SORCS3: variants seen among roughly 807,000 people sequenced by gnomAD.
SORCS3 encodes the protein VPS10 domain-containing receptor SorCS3.
In SORCS3, 57 loss-of-function variants were observed where a neutral mutation model predicts 146.3. That is an observed-to-expected ratio of 0.39 (90% CI 0.31 to 0.49). The LOEUF (loss-of-function observed/expected upper bound fraction) is 0.49, where lower values mean the gene tolerates loss of function less well. SORCS3 is among the 20% of genes least tolerant of loss of function. The pLI, the probability that SORCS3 is intolerant of heterozygous loss-of-function variation, is 0.92. For synonymous variants in SORCS3, 653 were observed against 618.5 expected (o/e 1.06, Z -0.83); for missense variants, 1,341 against 1,575.5 (o/e 0.85, Z 2.52).
At chr10:105,067,076 C>T (rs1451276940) in intron 5 of SORCS3, among the ~76,000 whole-genome samples, 1 of 152,254 alleles carries the variant, frequency 6.6e-6, no homozygotes, top group Non-Finnish European at 1.5e-5. Context: ...TCTCTTGGTT[C>T]ACTATCTTCA....
chr10:105,242,580 A>ATATATT (rs1564793634), intron 20 of SORCS3, among the ~76,000 whole-genome samples: 5 of 11,736 alleles, frequency 4.3e-4, no homozygotes, highest in Admixed American at 1.0e-3. Context: ...TTATATATTT[A>ATATATT]TATATATTTA....
chr10:104,713,663 AT>A (rs1311911475), intron 1 of SORCS3, among the ~76,000 whole-genome samples: 6 of 151,962 alleles, frequency 3.9e-5, no homozygotes, highest in East Asian at 3.9e-4. Flanking sequence ...GCATTATATA[AT>A]TTTTTTTATA....
chr10:104,832,477 G>C (rs1369987541), intron 1 of SORCS3, among the ~76,000 whole-genome samples: 7 of 152,140 alleles, frequency 4.6e-5, no homozygotes, highest in African/African-American at 1.7e-4. Flanking sequence ...CAGCACTTTG[G>C]GAGGCCAAGG....
intron 3 of SORCS3, among the ~76,000 whole-genome samples, chr10:104,948,183 GT>G (rs781592855): frequency 6.6e-6 from 1 of 152,112 alleles, no homozygotes; most frequent in Non-Finnish European, 1.5e-5. Context: ...CCTGTCTTAA[GT>G]GCCCCTGAGC....
intron 4 of SORCS3, among the ~76,000 whole-genome samples, chr10:104,999,504 A>C (rs549010447): frequency 9.5e-4 from 145 of 152,146 alleles, no homozygotes; most frequent in Non-Finnish European, 1.5e-3. Flanking sequence ...ACCTTGTTCA[A>C]ATATTGTCCT....
At chr10:104,848,807 CA>C (rs1380813504) in intron 2 of SORCS3, among the ~76,000 whole-genome samples, 3 of 152,150 alleles carry the variant, frequency 2.0e-5, no homozygotes, top group African/African-American at 4.8e-5. Flanking sequence ...CTGGGAGATA[CA>C]AAGTATGTTA....
In SORCS3 at chr10:104,804,607, A is replaced by G. The variant is rs1259171927; in HGVS notation, c.628-38185A>G. ...TGTCACACAGTTAGCAGTAAAACCC[A>G]TCAACCAGGGCATAGTGCAGTCCTG... On this transcript the variant is annotated intron_variant, in intron 1 of 26. Transcript: ENST00000369701. Among the ~76,000 whole-genome samples the G allele has an allele frequency of 1.3e-5, 2 of 152,210 alleles. 1 individual carries two copies. Among genetic ancestry groups the G allele is most frequent in the South Asian group, 4.1e-4 (2 of 4,834 alleles).
chr10:105,025,414 A>G (rs2055221839), intron 4 of SORCS3, among the ~76,000 whole-genome samples: 2 of 152,132 alleles, frequency 1.3e-5, no homozygotes. Context: ...TTGCCTGTTT[A>G]GGTTTCTCAT....
At chr10:104,873,463 C>T (rs2018539778) in intron 2 of SORCS3, among the ~76,000 whole-genome samples, 1 of 152,170 alleles carries the variant, frequency 6.6e-6, no homozygotes, top group Non-Finnish European at 1.5e-5. Context: ...TTTGAGCTGA[C>T]TACCTTCAGA....
intron 1 of SORCS3, among the ~76,000 whole-genome samples, chr10:104,690,176 T>A (rs2016095264): frequency 2.6e-5 from 4 of 152,170 alleles, no homozygotes; most frequent in Admixed American, 2.6e-4. Context: ...CCCTTATGCA[T>A]AGATCTGGCC....
At chr10:105,075,083 C>T (rs1036947881) in intron 5 of SORCS3, among the ~76,000 whole-genome samples, 14 of 152,148 alleles carry the variant, frequency 9.2e-5, no homozygotes, top group Non-Finnish European at 1.5e-4. Context: ...CTCCTTAATG[C>T]CCTTTGCCTT....
chr10:104,751,959 ATATAT>A (rs2016992049), intron 1 of SORCS3, among the ~76,000 whole-genome samples: 2 of 112,032 alleles, frequency 1.8e-5, no homozygotes, highest in South Asian at 5.5e-4. Flanking sequence ...ATATATATAT[ATATAT>A]ATATAATAGT....
At chr10:105,205,330 A>G (rs946863730) in intron 16 of SORCS3, among the ~76,000 whole-genome samples, 3 of 152,170 alleles carry the variant, frequency 2.0e-5, no homozygotes, top group Non-Finnish European at 2.9e-5. Flanking sequence ...TTCTCAGAAC[A>G]TTTATTTGTA....
chr10:104,889,696 C>T (rs1589537687), intron 2 of SORCS3, among the ~76,000 whole-genome samples: 1 of 152,068 alleles, frequency 6.6e-6, no homozygotes, highest in African/African-American at 2.4e-5. Context: ...ATGTTATAAA[C>T]CTCACAATAC....
At chr10:104,970,491 A>G (rs188530606) in intron 3 of SORCS3, among the ~76,000 whole-genome samples, 120 of 152,222 alleles carry the variant, frequency 7.9e-4, no homozygotes, top group African/African-American at 2.4e-3. Flanking sequence ...AGCACCACAG[A>G]TGCTTCCTCA....
At chr10:105,013,009 G>A (rs184049907) in intron 4 of SORCS3, among the ~76,000 whole-genome samples, 17 of 152,262 alleles carry the variant, frequency 1.1e-4, no homozygotes, top group East Asian at 3.9e-4. Context: ...AAGGGAATGC[G>A]TTATGATTGA....
rs145157471 is a variant in SORCS3 at position 104,887,971 on chromosome 10, G to GGGC, written c.696-27861_696-27860insGCG. ...AACATGGTGGGGGCGGGGGGGCGGG[G>GGGC]GCGGAGCAAGCCCATGAAGACAGCA... On this transcript the variant is annotated intron_variant, in intron 2 of 26. Transcript: ENST00000369701. Among the ~76,000 whole-genome samples the GGGC allele has an allele frequency of 9.5e-4, 79 of 83,098 alleles. 4 individuals are homozygous for GGGC. Among genetic ancestry groups the GGGC allele is most frequent in the African/African-American group, 3.6e-3 (65 of 18,172 alleles). 54.5% of individuals were successfully genotyped at this position (83,098 alleles called of 152,430 possible).
intron 5 of SORCS3, among the ~76,000 whole-genome samples, chr10:105,073,743 G>A (rs143524287): frequency 1.8e-4 from 28 of 152,204 alleles, no homozygotes; most frequent in South Asian, 4.2e-4. Context: ...CTGGTACCTC[G>A]GACTGGGTGG....
chr10:105,066,781 C>T (rs1167626226), intron 5 of SORCS3, among the ~76,000 whole-genome samples: 2 of 152,120 alleles, frequency 1.3e-5, no homozygotes. Flanking sequence ...TCCTCCAAAT[C>T]ATGACCATTT....
Sources: gnomAD v4.1 joint callset for allele counts (sites outside exome capture counted in the v4.1 genomes callset) on GRCh38, gnomAD v4.1.1 for gene constraint, MANE v1.5 for transcripts, NCBI Gene and HGNC (gene_info 2026-07-23, HGNC 2026-07-21) for gene names.